ZNF280D: variants seen among roughly 807,000 people sequenced by gnomAD.
ZNF280D encodes suppressor of hairy wing homolog 4.
A neutral mutation model predicts 94.7 loss-of-function variants in ZNF280D; 39 were observed. The ratio of observed to expected loss-of-function variants is 0.41; its 90% confidence interval spans 0.32 to 0.54. ZNF280D has a LOEUF of 0.54. Among genes scored for constraint, ZNF280D ranks in the 20% least tolerant of loss-of-function variants. ZNF280D has a pLI of 0.22. For synonymous variants in ZNF280D, 398 were observed against 377.6 expected (o/e 1.05, Z -0.63); for missense variants, 1,090 against 1,149.3 (o/e 0.95, Z 0.75).
intron 9 of ZNF280D, among the ~76,000 whole-genome samples, chr15:56,688,350 G>A (rs1253648656): frequency 6.6e-6 from 1 of 151,924 alleles, no homozygotes; most frequent in East Asian, 1.9e-4. Context: ...AATTAGCCGG[G>A]CGTGGTGGCG....
At chr15:56,700,011 T>A (rs1316590770) in intron 6 of ZNF280D, 1 of 167,990 alleles carries the variant, frequency 6.0e-6, no homozygotes, top group East Asian at 1.9e-4. Flanking sequence ...TACTTTAGCA[T>A]CACCAGTGCA....
At chr15:56,726,803 A>G (rs1480983388) in intron 1 of ZNF280D, among the ~76,000 whole-genome samples, 6 of 152,234 alleles carry the variant, frequency 3.9e-5, no homozygotes, top group Non-Finnish European at 7.3e-5. Context: ...TTTGTAGTCT[A>G]TGTCAGAGAG....
intron 20 of ZNF280D, among the ~76,000 whole-genome samples, chr15:56,639,582 T>G (rs2052526143): frequency 6.6e-6 from 1 of 152,068 alleles, no homozygotes; most frequent in Non-Finnish European, 1.5e-5. Flanking sequence ...ACCAAGAAAC[T>G]GGAGCAAGAC....
At chr15:56,639,295 A>C (rs182217225) in intron 20 of ZNF280D, among the ~76,000 whole-genome samples, 1 of 151,856 alleles carries the variant, frequency 6.6e-6, no homozygotes, top group Admixed American at 6.6e-5. Context: ...GAGCTAAAAA[A>C]AAAAAAGGAG....
intron 20 of ZNF280D, among the ~76,000 whole-genome samples, chr15:56,638,473 G>A (rs2052459492): frequency 6.6e-6 from 1 of 152,066 alleles, no homozygotes; most frequent in African/African-American, 2.4e-5. Context: ...CACAATTATT[G>A]GAAAAGATTA....
At position 56,682,364 on chromosome 15, in the gene ZNF280D, T is replaced by C. The variant is rs781297419; in HGVS notation, c.894A>G (p.Leu298=). Residue 298 remains leucine, a synonymous_variant, in exon 10 of 22, where the codon TTA becomes TTG. Transcript: ENST00000267807. ...IDSEKGKLIM[L]VNDFYYGKHE... is the part of the protein sequence containing the mutation. ...GTTTTCCATAATAAAAGTCATTAAC[T>C]AACATGATCAATTTTCCTTTCTCTG... 7.5e-6 allele frequency: 12 copies of C among 1,597,048 alleles called. No homozygotes were observed. Among genetic ancestry groups the C allele is most frequent in the Non-Finnish European group, 1.0e-5 (12 of 1,175,638 alleles).
intron 16 of ZNF280D, among the ~76,000 whole-genome samples, chr15:56,664,538 G>A (rs560998896): frequency 5.3e-5 from 8 of 152,188 alleles, no homozygotes; most frequent in Admixed American, 1.3e-4. Flanking sequence ...GGAAAAATAC[G>A]TGGGGTTGAA....
intron 19 of ZNF280D, among the ~76,000 whole-genome samples, chr15:56,646,458 C>A (rs2052898443): frequency 6.6e-6 from 1 of 151,872 alleles, no homozygotes; most frequent in Non-Finnish European, 1.5e-5. Context: ...CAAAAAACAG[C>A]AAAATAAAAT....
In ZNF280D at chr15:56,659,235, CAGAAA is replaced by C. The variant is rs2053754475; in HGVS notation, c.1995-754_1995-750del. On this transcript the variant is annotated intron_variant, in intron 16 of 21. Coordinates refer to ENST00000267807, the MANE Select transcript of ZNF280D (RefSeq NM_017661.4). Reference sequence around the variant, plus strand: ...GTTAAAACAATGTTTCCTCTAAGCACAGAAAAGAAAACTAACCCAATTTTGTAGCC... The same window carrying C: ...GTTAAAACAATGTTTCCTCTAAGCACAGAAAACTAACCCAATTTTGTAGCC... Among the ~76,000 whole-genome samples, 10 of 133,042 alleles carry C rather than the reference CAGAAA, an allele frequency of 7.5e-5. No homozygotes were observed. In the South Asian group the frequency reaches 2.2e-3, roughly 30 times the overall value. 87.3% of individuals were successfully genotyped at this position (133,042 alleles called of 152,430 possible).
chr15:56,654,073 T>TAAA, intron 19 of ZNF280D, 125 bp downstream of exon 19: 6 of 1,218,176 alleles, frequency 4.9e-6, no homozygotes, highest in East Asian at 3.0e-5. Context: ...CAAGCAGCTT[T>TAAA]AAAAAAAAAA....
intron 20 of ZNF280D, among the ~76,000 whole-genome samples, chr15:56,636,980 G>C (rs563609283): frequency 2.0e-5 from 3 of 152,104 alleles, no homozygotes; most frequent in Admixed American, 6.5e-5. Context: ...AAAAGTAAAA[G>C]GCAGGCATGA....
At position 56,630,297 on chromosome 15, in the gene ZNF280D, A is replaced by G. The variant is rs1477093103; in HGVS notation, c.*1201T>C. The stretch of plus-strand genomic sequence containing the variant: ...GAAACAAAATTTAAGAATCCAAAGC[A>G]CATTTTAAGAAGTAAAAATGAAGCA... On this transcript the variant is annotated 3_prime_UTR_variant, in exon 22 of 22. Transcript: ENST00000267807. 6.6e-6 allele frequency: 1 copy of G among 152,196 alleles called. No homozygotes were observed. The highest frequency in any genetic ancestry group is 1.5e-5 in the Non-Finnish European group (1 of 67,996). The allele number at this position is 152,196 out of a possible 1,614,324, so 9.4% of individuals were successfully genotyped here. A position where few individuals can be genotyped will look rare whatever the true frequency, so the allele number is the denominator to read the frequency against.
In ZNF280D at chr15:56,656,355, G is replaced by C. The variant is rs189725557; in HGVS notation, c.2058-1852C>G. Among the ~76,000 whole-genome samples the C allele has an allele frequency of 9.2e-5, 14 of 152,214 alleles. No homozygotes were observed. In the East Asian group the frequency reaches 2.5e-3, roughly 27 times the overall value. The stretch of plus-strand genomic sequence containing the variant: ...ACAGAAATTGAACAATTTTCAATTT[G>C]AGACTAGCCAGGTTTAGTGAAAAAA... On this transcript the variant is annotated intron_variant, in intron 17 of 21. Transcript: ENST00000267807.
At chr15:56,677,951 G>C (rs1170162585) in intron 11 of ZNF280D, among the ~76,000 whole-genome samples, 5 of 151,726 alleles carry the variant, frequency 3.3e-5, no homozygotes, top group African/African-American at 1.2e-4. Context: ...TATATTAAGA[G>C]GCAGATCTGA....
chr15:56,714,161 C>T (rs1338940808), intron 1 of ZNF280D, among the ~76,000 whole-genome samples: 2 of 152,114 alleles, frequency 1.3e-5, no homozygotes, highest in African/African-American at 4.8e-5. Context: ...TTTTCAGAAT[C>T]AGTCCAGTTG....
intron 7 of ZNF280D, among the ~76,000 whole-genome samples, chr15:56,690,538 ACT>A (rs1250711068): frequency 2.6e-5 from 4 of 152,082 alleles, no homozygotes; most frequent in Non-Finnish European, 5.9e-5. Flanking sequence ...TAACAGAGGA[ACT>A]CTTTTTTCTT....
intron 1 of ZNF280D, among the ~76,000 whole-genome samples, chr15:56,729,113 G>C (rs1349780189): frequency 1.3e-5 from 2 of 152,140 alleles, no homozygotes; most frequent in Non-Finnish European, 2.9e-5. Context: ...AACATGAAAT[G>C]AAAATCTGAG....
In ZNF280D at chr15:56,724,820, T is replaced by C. The variant is rs569576177; in HGVS notation, c.-86+8638A>G. 2.5e-5 allele frequency: 11 copies of C among 446,196 alleles called. No homozygotes were observed. In the East Asian group the frequency reaches 6.3e-4, roughly 25 times the overall value. The allele number at this position is 446,196 out of a possible 1,614,324, so 27.6% of individuals were successfully genotyped here. On this transcript the variant is annotated intron_variant, in intron 1 of 21. Transcript: ENST00000267807. ...AACAGACACTACAATGTAGTGTCAC[T>C]GAAGTAGTGCCAATTTTCTTATTTA... is the stretch of plus-strand genomic sequence containing the variant.
At chr15:56,632,812 T>C (rs1019882401) in intron 21 of ZNF280D, among the ~76,000 whole-genome samples, 2 of 152,148 alleles carry the variant, frequency 1.3e-5, no homozygotes, top group African/African-American at 4.8e-5. Context: ...AAATAGCTTC[T>C]TATGTTTAGA....
Sources: gnomAD v4.1 joint callset for allele counts (sites outside exome capture counted in the v4.1 genomes callset) on GRCh38, gnomAD v4.1.1 for gene constraint, MANE v1.5 for transcripts, NCBI Gene and HGNC (gene_info 2026-07-23, HGNC 2026-07-21) for gene names.